EPG5: variants seen among roughly 807,000 people sequenced by gnomAD.
The protein encoded by EPG5 is ectopic P granules protein 5 homolog.
Under a neutral mutation model 302.7 loss-of-function variants are expected in EPG5, and 159 were observed. The ratio of observed to expected loss-of-function variants is 0.53; its 90% CI spans 0.46 to 0.60. The LOEUF is 0.60. EPG5 is among the 20% of genes least tolerant of loss of function. The pLI is 0.00. For missense variants in EPG5, 2,896 were observed against 3,092.4 expected, an observed-to-expected ratio of 0.94 and a Z score of 1.51; for synonymous variants, 1,158 against 1,136.8, an observed-to-expected ratio of 1.02 and a Z score of -0.37.
intron 14 of EPG5, 128 bp from the exon 15 acceptor site, chr18:45,923,515 T>C: frequency 1.0e-6 from 1 of 988,424 alleles, no homozygotes; most frequent in Non-Finnish European, 1.5e-6. Context: ...GTTCCAAAAA[T>C]CACATCCCAC....
intron 27 of EPG5, among the ~76,000 whole-genome samples, chr18:45,894,621 C>G (rs2049428318): frequency 6.6e-6 from 1 of 152,152 alleles, no homozygotes; most frequent in South Asian, 2.1e-4. Context: ...TCCGCAAAGA[C>G]TTCAAAAGAG....
At chr18:45,943,031 A>G in intron 9 of EPG5, 130 bp downstream of exon 9, 2 of 898,032 alleles carry the variant, frequency 2.2e-6, no homozygotes, top group Non-Finnish European at 3.3e-6. Context: ...TGGTGAAGAA[A>G]AAAATCTTAA....
the EPG5 span, chr18:45,842,461 GT>G: frequency 5.0e-5 from 21 of 416,330 alleles, no homozygotes; most frequent in Non-Finnish European, 6.6e-5. Flanking sequence ...GAGAGAGAGA[GT>G]ACACGCATTA....
chr18:45,948,453 G>T (rs752589358), intron 6 of EPG5, 50 bp downstream of exon 6: 1 of 1,440,292 alleles, frequency 6.9e-7, no homozygotes, highest in Non-Finnish European at 9.8e-7. Flanking sequence ...CAATCCTTTA[G>T]AAGAAAGAAG....
At chr18:45,800,818 C>T in the EPG5 span, among the ~76,000 whole-genome samples, 3 of 152,068 alleles carry the variant, frequency 2.0e-5, no homozygotes, top group African/African-American at 4.8e-5. Context: ...TGAGATCAAA[C>T]GATGTTCAAA....
At chr18:45,838,539 G>A in the EPG5 span, 3 of 805,546 alleles carry the variant, frequency 3.7e-6, no homozygotes, top group African/African-American at 5.5e-5. Context: ...ACATGGAGAA[G>A]CAGAAGCAGA....
At chr18:45,898,049 T>C (rs1200133119) in intron 27 of EPG5, among the ~76,000 whole-genome samples, 10 of 152,322 alleles carry the variant, frequency 6.6e-5, no homozygotes, top group Admixed American at 5.2e-4. Flanking sequence ...GAAGGAGGAA[T>C]ACAGTGCGGT....
At chr18:45,856,951 C>G (rs1357091492) in intron 42 of EPG5, among the ~76,000 whole-genome samples, 2 of 152,110 alleles carry the variant, frequency 1.3e-5, no homozygotes, top group Non-Finnish European at 2.9e-5. Flanking sequence ...CAGAGTCTTG[C>G]TCTGTTGGCC....
intron 24 of EPG5, chr18:45,907,181 C>G (rs1309671383): frequency 6.6e-6 from 1 of 152,132 alleles, no homozygotes; most frequent in African/African-American, 2.4e-5. Context: ...AAAATATACA[C>G]ATGATGTGAA....
chr18:45,916,058 T>C lies in EPG5; in HGVS notation c.3533A>G (p.Gln1178Arg). Reference sequence around the variant, plus strand: ...CTGTATGCAGTCTTCCTGCATCAGCTGAAAAGCTGCTTTACACAAGTGGTC... The same window carrying C: ...CTGTATGCAGTCTTCCTGCATCAGCCGAAAAGCTGCTTTACACAAGTGGTC... ...LMDHLCKAAF[Q>R]LMQEDCIQKL... is the part of the protein sequence containing the mutation. The change falls in exon 19 of 44, where the codon CAG becomes CGG. Residue 1178 changes from glutamine (Q) to arginine (R), a missense_variant. Coordinates refer to ENST00000282041, the MANE Select transcript of EPG5 (RefSeq NM_020964.3). The C allele has an allele frequency of 7.4e-6, 12 of 1,613,986 alleles. No individual in the cohort carries two copies. The highest frequency in any genetic ancestry group is 9.3e-6 in the Non-Finnish European group (11 of 1,180,006).
At chr18:45,871,093 C>T (rs375454856) in intron 35 of EPG5, among the ~76,000 whole-genome samples, 6 of 152,266 alleles carry the variant, frequency 3.9e-5, no homozygotes, top group African/African-American at 1.2e-4. Flanking sequence ...TCATTTGGCA[C>T]TCAGGAGAAA....
the EPG5 span, among the ~76,000 whole-genome samples, chr18:45,841,821 G>A: frequency 6.8e-4 from 104 of 152,326 alleles, no homozygotes; most frequent in African/African-American, 2.4e-3. Context: ...GGGACCAGGA[G>A]GCCAGGCCGG....
In EPG5 at chr18:45,901,159, T is replaced by C; in HGVS notation, c.4483A>G (p.Arg1495Gly). 6.2e-6 allele frequency: 10 copies of C among 1,613,956 alleles called. No homozygotes were observed. The highest frequency in any genetic ancestry group is 8.5e-6 in the Non-Finnish European group (10 of 1,179,978). Residue 1495 changes from arginine to glycine, a missense_variant, in exon 26 of 44, where the codon AGG becomes GGG. Transcript: ENST00000282041. ...TGCTTCCGCAAGTTACTTAAAACCCTTTCTTTAGCTGAAAGAAAATTAAGT... is the reference window on the plus strand; with the variant it reads ...TGCTTCCGCAAGTTACTTAAAACCCCTTCTTTAGCTGAAAGAAAATTAAGT... Reference protein sequence around the residue: ...DFTDPLLAKERVLSNLRKHEA... With the variant: ...DFTDPLLAKEGVLSNLRKHEA...
At chr18:45,802,107 G>A in the EPG5 span, among the ~76,000 whole-genome samples, 1 of 152,096 alleles carries the variant, frequency 6.6e-6, no homozygotes. Flanking sequence ...TCCTCCCTTG[G>A]TGGAGTGCTG....
chr18:45,931,550 T>C (rs2145823901), intron 11 of EPG5, among the ~76,000 whole-genome samples: 1 of 152,290 alleles, frequency 6.6e-6, no homozygotes, highest in African/African-American at 2.4e-5. Context: ...ATATATGTGC[T>C]TGGCCGGGCG....
chr18:45,826,072 T>A, the EPG5 span, among the ~76,000 whole-genome samples: 1 of 152,148 alleles, frequency 6.6e-6, no homozygotes, highest in Non-Finnish European at 1.5e-5. Flanking sequence ...CAGAGGACAA[T>A]AGGCCAGGTA....
the EPG5 span, among the ~76,000 whole-genome samples, chr18:45,808,819 A>T: frequency 6.6e-6 from 1 of 151,814 alleles, no homozygotes; most frequent in Non-Finnish European, 1.5e-5. Flanking sequence ...AATACAATTA[A>T]AAAATAAAAA....
intron 34 of EPG5, among the ~76,000 whole-genome samples, chr18:45,877,991 C>T (rs542524751): frequency 6.6e-6 from 1 of 152,154 alleles, no homozygotes; most frequent in East Asian, 1.9e-4. Context: ...AAGGTAATTC[C>T]CACCCAATAA....
the EPG5 span, chr18:45,838,602 T>C: frequency 7.4e-7 from 1 of 1,345,352 alleles, no homozygotes; most frequent in Non-Finnish European, 9.7e-7. Flanking sequence ...GGGGGCAGCC[T>C]GGCACCCAAG....
Sources: gnomAD v4.1 joint callset for allele counts (sites outside exome capture counted in the v4.1 genomes callset) on GRCh38, gnomAD v4.1.1 for gene constraint, MANE v1.5 for transcripts, NCBI Gene and HGNC (gene_info 2026-07-23, HGNC 2026-07-21) for gene names.